TAF5L: variants seen among roughly 807,000 people sequenced by gnomAD.
The protein encoded by TAF5L is TATA-box binding protein associated factor 5 like.
A neutral mutation model predicts 51.3 loss-of-function variants in TAF5L; 7 were observed. The ratio of observed to expected loss-of-function variants is 0.14; its 90% CI spans 0.08 to 0.26. The LOEUF (loss-of-function observed/expected upper bound fraction) is 0.26. Ranked by LOEUF, TAF5L falls within the 10% of genes least tolerant of loss-of-function variation. The pLI is 1.00. For synonymous variants in TAF5L, 291 were observed against 308.1 expected (o/e 0.94, Z 0.58); for missense variants, 575 against 758.9 (o/e 0.76, Z 2.85).
At chr1:229,610,186 T>C in exon 3 of TAF5L, 1 of 1,614,194 alleles carries the variant, frequency 6.2e-7, no homozygotes, top group Non-Finnish European at 8.5e-7. Flanking sequence ...AGACACTATG[T>C]TGGCACAACC....
chr1:229,617,461 C>G (rs929652474), intron 1 of TAF5L, among the ~76,000 whole-genome samples: 1 of 152,218 alleles, frequency 6.6e-6, no homozygotes, highest in African/African-American at 2.4e-5. Context: ...CCTACTCTAG[C>G]TGAGACTGAA....
chr1:229,607,232 T>G (rs1664629735), intron 3 of TAF5L: 1 of 985,322 alleles, frequency 1.0e-6, no homozygotes, highest in Admixed American at 6.2e-5. Context: ...CTTGGTAATT[T>G]AACTATGAAA....
intron 4 of TAF5L, chr1:229,600,789 T>TAA: frequency 1.0e-6 from 1 of 985,376 alleles, no homozygotes; most frequent in Non-Finnish European, 1.2e-6. Flanking sequence ...GTGGCCAGAG[T>TAA]CTTAAAATGT....
At chr1:229,607,443 C>G (rs1431354977) in intron 3 of TAF5L, 1 of 985,270 alleles carries the variant, frequency 1.0e-6, no homozygotes, top group Non-Finnish European at 1.2e-6. Flanking sequence ...TTAGTTGTTC[C>G]TGTACAGTCG....
chr1:229,601,529 A>G (rs1664371995), intron 4 of TAF5L: 10 of 985,326 alleles, frequency 1.0e-5, no homozygotes, highest in Non-Finnish European at 1.1e-5. Context: ...GCCCTTTTCA[A>G]TGACTGTCCT....
chr1:229,625,814 C>T lies in TAF5L; in HGVS notation c.-4+71G>A, dbSNP rs1172334857. 1.4e-5 allele frequency: 2 copies of T among 138,168 alleles called. No individual in the cohort carries two copies. The highest frequency in any genetic ancestry group is 2.3e-4 in the South Asian group (1 of 4,432). The allele number at this position is 138,168 out of a possible 1,614,324, so 8.6% of individuals were successfully genotyped here. A position where few individuals can be genotyped will look rare whatever the true frequency, so the allele number is the denominator to read the frequency against. On this transcript the variant is annotated intron_variant, in intron 1 of 4. Transcript: ENST00000258281. This position sits in a 1 kb window ranked among gnomAD's most constrained non-coding sequence, Gnocchi z 4.0. ...CCCGCCGAGGCCCCACCGCCCCGGC[C>T]CCCGCCCGCCCGCGCGCGCGCGCGC... is the stretch of plus-strand genomic sequence containing the variant.
rs892201801 is a variant in TAF5L at position 229,602,090 on chromosome 1, A to C, written c.972+105T>G. The C allele has an allele frequency of 2.6e-6, 4 of 1,522,852 alleles. No individual in the cohort carries two copies. The African/African-American group carries it at 5.6e-5, about 21-fold the overall frequency. The allele number at this position is 1,522,852 out of a possible 1,614,324, so 94.3% of individuals were successfully genotyped here. A position where few individuals can be genotyped will look rare whatever the true frequency, so the allele number is the denominator to read the frequency against. ...TCATTAGTCTGGCTTTAGCTATATG[A>C]TGAGGGAAACTAGGAAGTCCATTCT... On this transcript the variant is annotated intron_variant, in intron 4 of 4. Transcript: ENST00000258281. This position sits in a 1 kb window ranked among gnomAD's most constrained non-coding sequence, Gnocchi z 4.6.
intron 3 of TAF5L, 72 bp downstream of exon 3, chr1:229,610,034 G>A: frequency 7.8e-7 from 1 of 1,286,870 alleles, no homozygotes; most frequent in East Asian, 2.3e-5. Flanking sequence ...TAACTCACAA[G>A]CAGTGTGCCC....
At chr1:229,607,293 T>G in intron 3 of TAF5L, 1 of 985,382 alleles carries the variant, frequency 1.0e-6, no homozygotes, top group South Asian at 4.7e-5. Flanking sequence ...TGGTCCTTTC[T>G]CACCTCATTT....
chr1:229,602,930 A>T lies in TAF5L; in HGVS notation c.248-11T>A, dbSNP rs1328493638. On this transcript the variant is annotated splice_polypyrimidine_tract_variant and intron_variant, in intron 3 of 4. Coordinates refer to ENST00000258281, the Ensembl canonical transcript of TAF5L. This position sits in a 1 kb window ranked among gnomAD's most constrained non-coding sequence, Gnocchi z 4.6. ...GCTGGGAATCAGAATCTATAATGAA[A>T]GAAAAAGAAGGCTTTATAATCAGCA... 1 of 1,575,014 alleles carries T rather than the reference A, an allele frequency of 6.3e-7. No individual in the cohort carries two copies. The highest frequency in any genetic ancestry group is 8.6e-7 in the Non-Finnish European group (1 of 1,169,010).
At chr1:229,600,070 T>A in intron 4 of TAF5L, 1 of 977,324 alleles carries the variant, frequency 1.0e-6, no homozygotes, top group Non-Finnish European at 1.2e-6. Context: ...ATTCAATATT[T>A]CATTTCAAAA....
chr1:229,600,774 C>T, intron 4 of TAF5L: 1 of 985,368 alleles, frequency 1.0e-6, no homozygotes, highest in South Asian at 4.7e-5. Flanking sequence ...AGCTAGTTAC[C>T]AGTAGTGGCC....
chr1:229,606,016 A>G (rs1386979750), intron 3 of TAF5L: 16 of 551,744 alleles, frequency 2.9e-5, no homozygotes, highest in Non-Finnish European at 3.2e-5. Context: ...CCTTAGAAAC[A>G]AAATTTCAGG....
Position 229,601,691 on chromosome 1 carries a change from ACCAT to A in TAF5L, c.972+500_972+503del, listed in dbSNP as rs202013370. 2,971 of 992,090 alleles carry A rather than the reference ACCAT, an allele frequency of 3.0e-3. 73 individuals carry two copies. In the African/African-American group the frequency reaches 0.046, roughly 15 times the overall value. The allele number at this position is 992,090 out of a possible 1,614,324, so 61.5% of individuals were successfully genotyped here. A position where few individuals can be genotyped will look rare whatever the true frequency, so the allele number is the denominator to read the frequency against. On this transcript the variant is annotated intron_variant, in intron 4 of 4. Transcript: ENST00000258281. ...TATGCACTGGCCTCAGAAAGCCAAT[ACCAT>A]CCATCCAGTGTGGTGAGGGTGCAGG...
intron 1 of TAF5L, among the ~76,000 whole-genome samples, chr1:229,618,284 A>T (rs995565562): frequency 2.0e-5 from 3 of 152,218 alleles, no homozygotes; most frequent in African/African-American, 7.2e-5. Flanking sequence ...ACTCTTTGTT[A>T]ACATTTCAGA....
intron 1 of TAF5L, among the ~76,000 whole-genome samples, chr1:229,615,581 T>C (rs1480135422): frequency 6.6e-6 from 1 of 151,608 alleles, no homozygotes; most frequent in African/African-American, 2.4e-5. Context: ...TCAAGCTAAT[T>C]TGTAGGTTCA....
At chr1:229,605,772 C>A (rs1386321252) in intron 3 of TAF5L, among the ~76,000 whole-genome samples, 1 of 152,176 alleles carries the variant, frequency 6.6e-6, no homozygotes, top group Admixed American at 6.5e-5. Context: ...ATTCTGCCAG[C>A]AGAGAGCCTT....
intron 1 of TAF5L, among the ~76,000 whole-genome samples, chr1:229,622,999 G>A (rs543260931): frequency 5.9e-5 from 9 of 152,306 alleles, no homozygotes; most frequent in Admixed American, 1.3e-4. Flanking sequence ...TACTGCCGCC[G>A]GGCACGGTGG....
chr1:229,603,152 C>T (rs1335534734), intron 3 of TAF5L, among the ~76,000 whole-genome samples: 1 of 152,160 alleles, frequency 6.6e-6, no homozygotes, highest in Non-Finnish European at 1.5e-5. Context: ...TTGGGCACAA[C>T]GCAGGAACTT....
Sources: allele counts gnomAD v4.1 joint callset (sites outside exome capture counted in the v4.1 genomes callset), GRCh38; gene constraint gnomAD v4.1.1; non-coding constraint Gnocchi (gnomAD v3.1); transcripts MANE v1.5; gene names NCBI Gene and HGNC (gene_info 2026-07-23, HGNC 2026-07-21).